Variants in CFAP47 observed in about 807,000 individuals in gnomAD.
The protein encoded by CFAP47 is cilia- and flagella-associated protein 47.
CFAP47 carries 29 observed loss-of-function variants against 148.1 expected under a neutral mutation model. The ratio of observed to expected loss-of-function variants is 0.20; its 90% CI spans 0.15 to 0.27. The LOEUF (loss-of-function observed/expected upper bound fraction) is 0.27, where lower values mean the gene tolerates loss of function less well. Among genes scored for constraint, CFAP47 ranks in the 10% least tolerant of loss-of-function variants. The pLI, the probability that CFAP47 is intolerant of heterozygous loss-of-function variation, is 1.00. For missense variants in CFAP47, 1,872 were observed against 1,697.5 expected (o/e 1.10, Z -1.81); for synonymous variants, 664 against 577.3 (o/e 1.15, Z -2.15).
chrX:36,343,416 TAA>T (rs1227335397), intron 57 of CFAP47, among the ~76,000 whole-genome samples: 3 of 111,705 alleles, frequency 2.7e-5, no homozygotes, highest in African/African-American at 9.8e-5. Flanking sequence ...TGGCGATCAT[TAA>T]AAAGTCAGGA....
At chrX:36,221,912 C>G (rs1940217042) in intron 45 of CFAP47, among the ~76,000 whole-genome samples, 5 of 111,380 alleles carry the variant, frequency 4.5e-5, no homozygotes, top group Admixed American at 3.8e-4. Flanking sequence ...ATTGACAGAT[C>G]AAGCAGACAG....
At chrX:36,013,841 T>C (rs1332560157) in intron 21 of CFAP47, among the ~76,000 whole-genome samples, 2 of 112,197 alleles carry the variant, frequency 1.8e-5, no homozygotes, top group African/African-American at 6.5e-5. Context: ...GTTCATTCTT[T>C]TATTGTTGAA....
chrX:36,105,631 C>G (rs972224594), intron 33 of CFAP47, among the ~76,000 whole-genome samples: 2 of 111,552 alleles, frequency 1.8e-5, no homozygotes, highest in African/African-American at 6.5e-5. Context: ...TACTTTATTA[C>G]CTTCTAATTG....
chrX:36,085,520 C>T lies in CFAP47; in HGVS notation c.4898C>T (p.Ser1633Leu), dbSNP rs1215627373. Residue 1633 changes from serine to leucine, a missense_variant, in exon 30 of 64, where the codon TCA (serine) becomes TTA (leucine). By Grantham distance (145) the Ser-to-Leu change is moderately radical. Transcript: ENST00000378653. ...ATTCAACTCCATTTGCAACATTCCTCACTTCTGGACTTTCTCAAGTAAGTG... is the reference window on the plus strand; with the variant it reads ...ATTCAACTCCATTTGCAACATTCCTTACTTCTGGACTTTCTCAAGTAAGTG... ...RVIQLHLQHS[S>L]LLDFLNAQGG... The T allele has an allele frequency of 8.5e-7, 1 of 1,182,039 alleles. No homozygotes were observed. The highest frequency in any genetic ancestry group is 1.8e-5 in the African/African-American group (1 of 55,980).
intron 37 of CFAP47, among the ~76,000 whole-genome samples, chrX:36,158,673 G>A (rs1025129961): frequency 1.8e-5 from 2 of 112,063 alleles, no homozygotes; most frequent in Admixed American, 1.9e-4. Flanking sequence ...TCTCAGGGGA[G>A]ATTAGGGAGG....
intron 20 of CFAP47, among the ~76,000 whole-genome samples, chrX:36,000,987 A>T (rs1305583977): frequency 1.8e-5 from 2 of 111,611 alleles, no homozygotes; most frequent in Non-Finnish European, 3.8e-5. Context: ...TTTATGCTAT[A>T]CTGGCAGAGT....
intron 6 of CFAP47, among the ~76,000 whole-genome samples, chrX:35,953,127 C>T (rs926301211): frequency 1.8e-5 from 2 of 112,152 alleles, no homozygotes; most frequent in Admixed American, 1.9e-4. Context: ...AATTCGTGTT[C>T]TCCAAATTAC....
At chrX:36,235,848 G>T in intron 46 of CFAP47, 86 bp from the exon 47 acceptor site, 1 of 406,036 alleles carries the variant, frequency 2.5e-6, no homozygotes, top group Non-Finnish European at 4.3e-6. Flanking sequence ...AATATATAAT[G>T]CTATAGAAAT....
chrX:36,232,663 A>G (rs1203433302), intron 46 of CFAP47, among the ~76,000 whole-genome samples: 2 of 110,619 alleles, frequency 1.8e-5, no homozygotes, highest in Non-Finnish European at 3.8e-5. Flanking sequence ...CTAGCTTTTG[A>G]ATGTGTTTGC....
At chrX:36,243,675 A>G (rs1940577644) in intron 48 of CFAP47, among the ~76,000 whole-genome samples, 1 of 83,680 alleles carries the variant, frequency 1.2e-5, no homozygotes, top group African/African-American at 6.0e-5. Flanking sequence ...ATATATATAT[A>G]TATATATATA....
intron 49 of CFAP47, among the ~76,000 whole-genome samples, chrX:36,276,487 AT>A (rs1489710106): frequency 8.9e-6 from 1 of 111,955 alleles, no homozygotes; most frequent in Non-Finnish European, 1.9e-5. Context: ...TGCTTATTAA[AT>A]TTTAGTATGT....
chrX:36,137,956 A>T lies in CFAP47; in HGVS notation c.5321-2A>T. The T allele has an allele frequency of 1.5e-6, 1 of 649,158 alleles. No homozygotes were observed. The allele number at this position is 649,158 out of a possible 1,213,427, so 53.5% of individuals were successfully genotyped here. A position where few individuals can be genotyped will look rare whatever the true frequency, so the allele number is the denominator to read the frequency against. Reference sequence around the variant, plus strand: ...ATTTACTCTCCCTCTTTTTTGAAACAGATGTTATCCCTTCTGAGAGATGGA... The same window carrying T: ...ATTTACTCTCCCTCTTTTTTGAAACTGATGTTATCCCTTCTGAGAGATGGA... On this transcript the variant is annotated splice_acceptor_variant, in intron 33 of 63. Coordinates refer to ENST00000378653, the MANE Select transcript of CFAP47 (RefSeq NM_001304548.2). LOFTEE classifies it high-confidence loss of function.
intron 51 of CFAP47, among the ~76,000 whole-genome samples, chrX:36,294,382 GC>G (rs72017135): frequency 0.34 from 36,959 of 110,104 alleles, 7,450 homozygotes; most frequent in African/African-American, 0.75. Context: ...GACTTCAATT[GC>G]CATGTGAGAA....
At chrX:36,078,274 C>T (rs1479468033) in intron 29 of CFAP47, among the ~76,000 whole-genome samples, 2 of 110,562 alleles carry the variant, frequency 1.8e-5, no homozygotes, top group Non-Finnish European at 3.8e-5. Context: ...TCTTCGGTCT[C>T]GTAGATCTGT....
chrX:36,271,465 T>C (rs1569305066), intron 49 of CFAP47, among the ~76,000 whole-genome samples: 1 of 111,650 alleles, frequency 9.0e-6, no homozygotes, highest in Non-Finnish European at 1.9e-5. Context: ...CTATGGAAAC[T>C]GGCTTTTGGC....
At chrX:36,132,991 C>A (rs1023089483) in intron 33 of CFAP47, among the ~76,000 whole-genome samples, 6 of 111,501 alleles carry the variant, frequency 5.4e-5, no homozygotes, top group African/African-American at 1.9e-4. Context: ...GCTGAGATTG[C>A]AGGGCAACAA....
intron 55 of CFAP47, among the ~76,000 whole-genome samples, chrX:36,309,854 T>C (rs781962022): frequency 1.8e-5 from 2 of 111,439 alleles, no homozygotes; most frequent in South Asian, 3.6e-4. Flanking sequence ...ATTGAAAATA[T>C]AGTTAATTTG....
chrX:36,366,859 T>C, intron 61 of CFAP47, 107 bp from the exon 62 acceptor site: 1 of 411,606 alleles, frequency 2.4e-6, no homozygotes, highest in Non-Finnish European at 3.9e-6. Flanking sequence ...GTGTTTTCAC[T>C]GAAACCACAG....
intron 33 of CFAP47, among the ~76,000 whole-genome samples, chrX:36,126,163 G>T (rs886376053): frequency 9.2e-6 from 1 of 108,539 alleles, no homozygotes; most frequent in Non-Finnish European, 1.9e-5. Context: ...AGGTATACAC[G>T]TGCCATGGTG....
Sources: allele counts gnomAD v4.1 joint callset (sites outside exome capture counted in the v4.1 genomes callset), GRCh38; gene constraint gnomAD v4.1.1; transcripts MANE v1.5; gene names NCBI Gene and HGNC (gene_info 2026-07-23, HGNC 2026-07-21).